RSF1: variants seen among roughly 807,000 people sequenced by gnomAD.
RSF1 encodes HBV pX-associated protein 8.
A neutral mutation model predicts 145.2 loss-of-function variants in RSF1; 13 were observed. That is an observed-to-expected ratio of 0.09 (90% confidence interval 0.06 to 0.14). RSF1 has a LOEUF of 0.14. Among genes scored for constraint, RSF1 ranks in the 10% least tolerant of loss-of-function variants. RSF1 has a pLI of 1.00. For missense variants in RSF1, 1,517 were observed against 1,718.2 expected (o/e 0.88, Z 2.07); for synonymous variants, 577 against 592.6 (o/e 0.97, Z 0.38).
chr11:77,833,470 A>C, the RSF1 span, among the ~76,000 whole-genome samples: 1 of 152,166 alleles, frequency 6.6e-6, no homozygotes, highest in Admixed American at 6.5e-5. Context: ...GCTGCTGCTG[A>C]TGTGTCAGGA....
intron 1 of RSF1, among the ~76,000 whole-genome samples, chr11:77,784,130 T>C (rs1046816326): frequency 1.3e-5 from 2 of 152,236 alleles, no homozygotes; most frequent in African/African-American, 2.4e-5. Flanking sequence ...GGATCTCAAA[T>C]ACACTTTATG....
rs1960429378 is a variant in RSF1, at chr11:77,701,733, G to A, written c.1496C>T (p.Thr499Ile). 6.2e-7 allele frequency: 1 copy of A among 1,613,482 alleles called. No homozygotes were observed. The highest frequency in any genetic ancestry group is 1.3e-5 in the African/African-American group (1 of 74,846). The change falls in exon 6 of 16, where the codon ACA becomes ATA. Residue 499 changes from threonine to isoleucine, a missense_variant. By Grantham distance (89) the Thr-to-Ile change is moderately conservative. Around this residue, in one of 12 missense-constraint regions of RSF1, gnomAD observed 579 missense variants for 553.5 expected, o/e 1.05. Transcript: ENST00000308488. Reference protein sequence around the residue: ...SLNSVITSMKTGELEKETAPL... With the variant: ...SLNSVITSMKIGELEKETAPL... The stretch of plus-strand genomic sequence containing the variant: ...GGCTGTTTCTTTCTCAAGCTCACCT[G>A]TTTTCATACTTGTTATGACAGAATT...
At chr11:77,761,594 T>C (rs920997673) in intron 2 of RSF1, among the ~76,000 whole-genome samples, 4 of 152,186 alleles carry the variant, frequency 2.6e-5, no homozygotes, top group African/African-American at 7.2e-5. Context: ...AATTGTTATT[T>C]AGCATAGTGG....
Position 77,663,310 on chromosome 11 carries a change from CTCA to C in RSF1, c.*3604_*3606del, listed in dbSNP as rs1253761927. ...CCCACTTAAAAACAGCTAACATTTC[CTCA>C]TCATTTTGACTATTAAACAAGTAAA... On this transcript the variant is annotated 3_prime_UTR_variant, in exon 16 of 16. Coordinates refer to ENST00000308488, the MANE Select transcript of RSF1 (RefSeq NM_016578.4). 6.6e-6 allele frequency: 1 copy of C among 152,130 alleles called. No individual in the cohort carries two copies. Among genetic ancestry groups the C allele is most frequent in the African/African-American group, 2.4e-5 (1 of 41,428 alleles). The allele number at this position is 152,130 out of a possible 1,614,324, so 9.4% of individuals were successfully genotyped here.
rs1175364911 is a variant in RSF1, at chr11:77,660,313, C to A, written c.*6604G>T. ...AGGTGTTCATACACTGAAGTTAACCCCTGAAGCTTTAAGCTACCAAGAATT... is the reference window on the plus strand; with the variant it reads ...AGGTGTTCATACACTGAAGTTAACCACTGAAGCTTTAAGCTACCAAGAATT... On this transcript the variant is annotated 3_prime_UTR_variant, in exon 16 of 16. Transcript: ENST00000308488. The A allele has an allele frequency of 6.6e-6, 1 of 152,118 alleles. No homozygotes were observed. The highest frequency in any genetic ancestry group is 1.9e-4 in the East Asian group (1 of 5,198). 9.4% of individuals were successfully genotyped at this position (152,118 alleles called of 1,614,324 possible).
At chr11:77,712,104 A>G (rs2135868344) in intron 5 of RSF1, among the ~76,000 whole-genome samples, 1 of 152,336 alleles carries the variant, frequency 6.6e-6, no homozygotes, top group East Asian at 1.9e-4. Flanking sequence ...TATACCTGAT[A>G]TGGTTTGGCT....
the RSF1 span, among the ~76,000 whole-genome samples, chr11:77,831,059 T>C: frequency 6.7e-6 from 1 of 149,968 alleles, no homozygotes; most frequent in Admixed American, 6.7e-5. Flanking sequence ...CTTGAGAAGC[T>C]GAGATGGGAG....
the RSF1 span, among the ~76,000 whole-genome samples, chr11:77,852,503 A>G: frequency 6.6e-6 from 1 of 152,158 alleles, no homozygotes. Flanking sequence ...AGATATCCAC[A>G]TCCATGATCC....
At chr11:77,802,126 C>T (rs1948632171) in intron 1 of RSF1, among the ~76,000 whole-genome samples, 2 of 152,144 alleles carry the variant, frequency 1.3e-5, no homozygotes, top group Non-Finnish European at 2.9e-5. Context: ...GTTTACCCAG[C>T]GTACCTCTTC....
chr11:77,792,945 A>T (rs1172822758), intron 1 of RSF1, among the ~76,000 whole-genome samples: 2 of 152,250 alleles, frequency 1.3e-5, no homozygotes, highest in Admixed American at 6.5e-5. Flanking sequence ...GTGAAAACAC[A>T]CAAAAGTATA....
intron 3 of RSF1, among the ~76,000 whole-genome samples, chr11:77,742,661 T>C (rs1027326363): frequency 1.3e-5 from 2 of 152,218 alleles, no homozygotes; most frequent in South Asian, 4.1e-4. Flanking sequence ...CTAACAAGCA[T>C]GAAGTGATAC....
At chr11:77,667,896 G>T (rs1353401768) in intron 15 of RSF1, among the ~76,000 whole-genome samples, 3 of 151,988 alleles carry the variant, frequency 2.0e-5, no homozygotes, top group Non-Finnish European at 4.4e-5. Flanking sequence ...GTAGAGACGG[G>T]GTTTCACTAT....
chr11:77,801,630 G>T (rs1276979730), intron 1 of RSF1, among the ~76,000 whole-genome samples: 2 of 152,038 alleles, frequency 1.3e-5, no homozygotes, highest in Non-Finnish European at 2.9e-5. Context: ...TGTCTACACA[G>T]AGCTCTTAAA....
chr11:77,688,287 G>T (rs1960063249), intron 9 of RSF1, among the ~76,000 whole-genome samples: 1 of 152,182 alleles, frequency 6.6e-6, no homozygotes, highest in African/African-American at 2.4e-5. Context: ...GACGGAGCAA[G>T]ACTCTGTCTC....
chr11:77,834,545 G>C, the RSF1 span, among the ~76,000 whole-genome samples: 1 of 148,130 alleles, frequency 6.8e-6, no homozygotes, highest in Non-Finnish European at 1.5e-5. Flanking sequence ...CTCCTGAGTA[G>C]CTGGAATTAC....
At chr11:77,699,978 C>T (rs556828432) in intron 6 of RSF1, among the ~76,000 whole-genome samples, 1 of 152,122 alleles carries the variant, frequency 6.6e-6, no homozygotes, top group Admixed American at 6.5e-5. Flanking sequence ...AAGTGAAAAA[C>T]TCACAGAAAA....
Position 77,761,181 on chromosome 11 carries a change from C to T in RSF1, c.279+3417G>A, listed in dbSNP as rs1398928996. Among the ~76,000 whole-genome samples, 4 of 152,070 alleles carry T rather than the reference C, an allele frequency of 2.6e-5. No individual in the cohort carries two copies. In the East Asian group the frequency reaches 5.8e-4, roughly 22 times the overall value. ...GTCTCAATCTCCTGACCTTGTGATC[C>T]GCCAGCCCTGGCCTCCCAAAGTGCT... On this transcript the variant is annotated intron_variant, in intron 2 of 15. Transcript: ENST00000308488.
the RSF1 span, among the ~76,000 whole-genome samples, chr11:77,828,088 C>G: frequency 1.3e-3 from 198 of 152,110 alleles, 1 homozygote; most frequent in African/African-American, 4.6e-3. Flanking sequence ...GCCTGGCCAA[C>G]ATGGTGAAAC....
At chr11:77,753,857 C>T (rs746388290) in intron 2 of RSF1, among the ~76,000 whole-genome samples, 4 of 152,198 alleles carry the variant, frequency 2.6e-5, no homozygotes, top group Non-Finnish European at 4.4e-5. Flanking sequence ...AGTGGCTCCA[C>T]GTGGACCTGC....
Sources: allele counts gnomAD v4.1 joint callset (sites outside exome capture counted in the v4.1 genomes callset), GRCh38; gene constraint gnomAD v4.1.1; regional missense constraint gnomAD v4.1.1; transcripts MANE v1.5; gene names NCBI Gene and HGNC (gene_info 2026-07-23, HGNC 2026-07-21).